ADGRL2: variants seen among roughly 807,000 people sequenced by gnomAD.
The protein encoded by ADGRL2 is adhesion G protein-coupled receptor L2.
In ADGRL2, 44 loss-of-function variants were observed where a neutral mutation model predicts 157.4. That is an observed-to-expected ratio of 0.28 (90% CI 0.22 to 0.36). ADGRL2 has a LOEUF of 0.36. ADGRL2 is among the 10% of genes least tolerant of loss of function. The pLI is 1.00. For missense variants in ADGRL2, 1,510 were observed against 1,768.9 expected, an observed-to-expected ratio of 0.85 and a Z score of 2.63; for synonymous variants, 585 against 624.7, an observed-to-expected ratio of 0.94 and a Z score of 0.95.
intron 2 of ADGRL2, among the ~76,000 whole-genome samples, chr1:81,463,063 T>C (rs904462987): frequency 3.5e-5 from 5 of 143,802 alleles, no homozygotes; most frequent in African/African-American, 1.3e-4. Flanking sequence ...TGCAGTGAGC[T>C]GTGATTGCAC....
In ADGRL2 at chr1:81,820,756, C is replaced by G. The variant is rs190718488; in HGVS notation, c.-100-16129C>G. ...TGTCTGAAAAAAAAAAACAAAAAAC[C>G]CCACAATATTCTGCTTACACTTTCA... On this transcript the variant is annotated intron_variant, in intron 1 of 23. Transcript: ENST00000686636. Among the ~76,000 whole-genome samples the G allele has an allele frequency of 9.1e-4, 138 of 151,850 alleles. 1 individual carries two copies. Among genetic ancestry groups the G allele is most frequent in the Middle Eastern group, 6.9e-3 (2 of 290 alleles).
At chr1:81,722,562 G>A (rs1202170934) in intron 1 of ADGRL2, 7 of 1,508,290 alleles carry the variant, frequency 4.6e-6, no homozygotes, top group Non-Finnish European at 5.5e-6. Context: ...AATGGCGAGG[G>A]AAAGCACACA....
intron 1 of ADGRL2, among the ~76,000 whole-genome samples, chr1:81,436,924 C>T (rs2077420190): frequency 6.6e-6 from 1 of 152,238 alleles, no homozygotes; most frequent in African/African-American, 2.4e-5. Context: ...TTTCTTCTTT[C>T]CACACCTTAC....
At chr1:81,610,525 GAAACTTGGATTTT>G (rs2081520635) in intron 3 of ADGRL2, among the ~76,000 whole-genome samples, 1 of 152,158 alleles carries the variant, frequency 6.6e-6, no homozygotes, top group African/African-American at 2.4e-5. Context: ...GCCATGTTAA[GAAACTTGGATTTT>G]ATTCCAAATG....
intron 2 of ADGRL2, among the ~76,000 whole-genome samples, chr1:81,448,479 G>T (rs1257584754): frequency 6.6e-6 from 1 of 151,896 alleles, no homozygotes; most frequent in African/African-American, 2.4e-5. Flanking sequence ...CCCTGTCTCA[G>T]ATATTTCTTT....
intron 1 of ADGRL2, among the ~76,000 whole-genome samples, chr1:81,390,840 A>T (rs2076534644): frequency 6.6e-6 from 1 of 152,424 alleles, no homozygotes; most frequent in South Asian, 2.1e-4. Flanking sequence ...GACATTCATT[A>T]TGTTTTCATA....
chr1:81,409,741 T>C (rs907839573), intron 1 of ADGRL2, among the ~76,000 whole-genome samples: 1 of 152,226 alleles, frequency 6.6e-6, no homozygotes, highest in Non-Finnish European at 1.5e-5. Context: ...TGTAAATCCA[T>C]GCAAACAAAA....
chr1:81,697,652 C>T (rs552962405), upstream of ADGRL2, among the ~76,000 whole-genome samples: 8 of 152,228 alleles, frequency 5.3e-5, no homozygotes, highest in African/African-American at 1.9e-4. Flanking sequence ...ATAGCAAAAT[C>T]AGGAATCCAA....
intron 1 of ADGRL2, among the ~76,000 whole-genome samples, chr1:81,374,494 C>A (rs1402255129): frequency 2.7e-5 from 4 of 147,968 alleles, no homozygotes; most frequent in African/African-American, 1.0e-4. Context: ...ATCACTTGAA[C>A]CTGGGAGATG....
chr1:81,576,688 A>C (rs1482922381), intron 2 of ADGRL2, among the ~76,000 whole-genome samples: 1 of 152,086 alleles, frequency 6.6e-6, no homozygotes, highest in African/African-American at 2.4e-5. Context: ...TGCAGCTTGC[A>C]ACATTGGCAA....
intron 2 of ADGRL2, among the ~76,000 whole-genome samples, chr1:81,784,642 C>T (rs1311278644): frequency 2.0e-5 from 3 of 150,078 alleles, no homozygotes; most frequent in Admixed American, 6.7e-5. Context: ...GCACGAGAAT[C>T]ACTTGAACCT....
chr1:81,700,588 C>A (rs1353030542), intron 1 of ADGRL2, among the ~76,000 whole-genome samples: 2 of 152,178 alleles, frequency 1.3e-5, no homozygotes, highest in Non-Finnish European at 2.9e-5. Flanking sequence ...AAGCTCTAAT[C>A]AAGTGCGTGG....
intron 2 of ADGRL2, among the ~76,000 whole-genome samples, chr1:81,527,191 A>G (rs1186310173): frequency 6.6e-6 from 1 of 152,216 alleles, no homozygotes; most frequent in Non-Finnish European, 1.5e-5. Flanking sequence ...AGGAACCACA[A>G]AAACAATGCA....
intron 1 of ADGRL2, among the ~76,000 whole-genome samples, chr1:81,811,246 C>CTG (rs1461856565): frequency 1.3e-5 from 2 of 151,766 alleles, no homozygotes; most frequent in Non-Finnish European, 2.9e-5. Flanking sequence ...TATGATATTT[C>CTG]TGTATGTTTT....
chr1:81,825,843 A>G (rs1001681385), intron 1 of ADGRL2, among the ~76,000 whole-genome samples: 1 of 152,152 alleles, frequency 6.6e-6, no homozygotes, highest in Admixed American at 6.6e-5. Flanking sequence ...ATACACATTT[A>G]TGGTTTAGGG....
At chr1:81,313,003 C>T (rs1659859060) in intron 1 of ADGRL2, among the ~76,000 whole-genome samples, 1 of 152,066 alleles carries the variant, frequency 6.6e-6, no homozygotes, top group African/African-American at 2.4e-5. Flanking sequence ...GAAAAAATAC[C>T]CATTTCTCAG....
chr1:81,874,973 C>G (rs1424115480), intron 2 of ADGRL2, among the ~76,000 whole-genome samples: 2 of 152,116 alleles, frequency 1.3e-5, no homozygotes, highest in Non-Finnish European at 1.5e-5. Context: ...TCCCAATGTG[C>G]TGGGATTACT....
At chr1:81,708,564 A>G (rs899699778) in intron 1 of ADGRL2, among the ~76,000 whole-genome samples, 3 of 151,918 alleles carry the variant, frequency 2.0e-5, no homozygotes, top group Admixed American at 2.0e-4. Context: ...TTCTGCACAC[A>G]TTTTCCTTGG....
chr1:81,537,364 A>G (rs2148296497), intron 2 of ADGRL2, among the ~76,000 whole-genome samples: 1 of 152,032 alleles, frequency 6.6e-6, no homozygotes, highest in Middle Eastern at 3.4e-3. Context: ...GCTCACCACA[A>G]CCTCTGCCTC....
Sources: gnomAD v4.1 joint callset for allele counts (sites outside exome capture counted in the v4.1 genomes callset) on GRCh38, gnomAD v4.1.1 for gene constraint, MANE v1.5 for transcripts, NCBI Gene and HGNC (gene_info 2026-07-23, HGNC 2026-07-21) for gene names.